The following ZBTB20 variants were observed in gnomAD, a reference collection of about 807,000 sequenced individuals.
ZBTB20 encodes zinc finger and BTB domain-containing protein 20.
Under a neutral mutation model 56.9 loss-of-function variants are expected in ZBTB20, and 9 were observed. The observed-to-expected ratio is 0.16, with a 90% confidence interval of 0.10 to 0.28. The LOEUF is 0.28. Among genes scored for constraint, ZBTB20 ranks in the 10% least tolerant of loss-of-function variants. ZBTB20 has a pLI of 1.00. For synonymous variants in ZBTB20, 417 were observed against 420.7 expected, an observed-to-expected ratio of 0.99 and a Z score of 0.11; for missense variants, 655 against 1,003.0, an observed-to-expected ratio of 0.65 and a Z score of 4.69.
intron 6 of ZBTB20, among the ~76,000 whole-genome samples, chr3:114,597,338 A>G (rs1255490588): frequency 6.6e-6 from 1 of 152,192 alleles, no homozygotes; most frequent in African/African-American, 2.4e-5. Context: ...CATGATAACA[A>G]AAGTGAGCCA....
chr3:114,375,047 C>T (rs774272497), intron 10 of ZBTB20, among the ~76,000 whole-genome samples: 3 of 152,168 alleles, frequency 2.0e-5, no homozygotes, highest in Non-Finnish European at 4.4e-5. Context: ...CAAATCAGAG[C>T]CCTGTAAAAC....
intron 6 of ZBTB20, among the ~76,000 whole-genome samples, chr3:114,611,553 A>C (rs1198690390): frequency 6.6e-6 from 1 of 152,196 alleles, no homozygotes; most frequent in Non-Finnish European, 1.5e-5. Flanking sequence ...GGACTTTGCT[A>C]ACATGAAATC....
chr3:114,653,034 T>C (rs1444992809), intron 6 of ZBTB20, among the ~76,000 whole-genome samples: 1 of 151,964 alleles, frequency 6.6e-6, no homozygotes, highest in Admixed American at 6.6e-5. Flanking sequence ...AGTTGTTTTG[T>C]ATATCCCCTA....
rs537662073 is a variant in ZBTB20 at position 114,607,609 on chromosome 3, T to A, written c.-295+85919A>T. Among the ~76,000 whole-genome samples, 9 of 152,256 alleles carry A rather than the reference T, an allele frequency of 5.9e-5. No homozygotes were observed. In the South Asian group the frequency reaches 6.2e-4, roughly 11 times the overall value. On this transcript the variant is annotated intron_variant, in intron 6 of 11. Coordinates refer to ENST00000675478, the MANE Select transcript of ZBTB20 (RefSeq NM_001348800.3). ...TGAGCCATCACGCCCAGCCTCATTC[T>A]CTTACTCTTTTAATAAATCAGTATG...
intron 2 of ZBTB20, among the ~76,000 whole-genome samples, chr3:114,996,097 C>A (rs2079014803): frequency 6.6e-6 from 1 of 151,834 alleles, no homozygotes; most frequent in Admixed American, 6.6e-5. Context: ...TCCCACCTTA[C>A]TCTGAACTGG....
At chr3:114,687,609 T>TAAAAAAAA (rs201910158) in intron 6 of ZBTB20, 9 of 105,416 alleles carry the variant, frequency 8.5e-5, no homozygotes, top group African/African-American at 1.0e-4. Flanking sequence ...AGTTGAAAGG[T>TAAAAAAAA]AAAAAAAAAA....
intron 7 of ZBTB20, among the ~76,000 whole-genome samples, chr3:114,425,951 G>T (rs1230326481): frequency 1.3e-5 from 2 of 152,032 alleles, no homozygotes; most frequent in Non-Finnish European, 2.9e-5. Flanking sequence ...ATCAAATTTA[G>T]AAATTTTCTT....
At chr3:114,810,641 A>C (rs2072451904) in intron 4 of ZBTB20, among the ~76,000 whole-genome samples, 1 of 152,212 alleles carries the variant, frequency 6.6e-6, no homozygotes, top group South Asian at 2.1e-4. Context: ...TTTCACTCCC[A>C]AAAGTATCCA....
chr3:114,442,372 G>C lies in ZBTB20; in HGVS notation c.-254-53267C>G, dbSNP rs568729812. 5.3e-5 allele frequency among the ~76,000 whole-genome samples: 8 copies of C among 152,274 alleles called. No individual in the cohort carries two copies. The East Asian group carries it at 1.5e-3, about 29-fold the overall frequency. On this transcript the variant is annotated intron_variant, in intron 7 of 11. Transcript: ENST00000675478. ...ATCAAGATAGGAAAACTTTGCAGAT[G>C]CTACTGTCTCTCTAGAGGAATAAAT...
chr3:114,472,484 C>A (rs2040244123), intron 7 of ZBTB20, among the ~76,000 whole-genome samples: 1 of 152,152 alleles, frequency 6.6e-6, no homozygotes, highest in Non-Finnish European at 1.5e-5. Flanking sequence ...CCAAGGCGGG[C>A]ACATCACCTG....
intron 4 of ZBTB20, among the ~76,000 whole-genome samples, chr3:114,876,753 C>T (rs79536944): frequency 0.029 from 4,393 of 152,224 alleles, 149 homozygotes; most frequent in African/African-American, 0.074. Flanking sequence ...TTTCTCCACC[C>T]TACCATAGCC....
chr3:114,925,356 T>C (rs1481363981), intron 3 of ZBTB20, among the ~76,000 whole-genome samples: 2 of 152,160 alleles, frequency 1.3e-5, no homozygotes, highest in Admixed American at 1.3e-4. Context: ...CCATATTCCC[T>C]TTCATCTCTT....
chr3:114,952,082 A>T (rs1252847534), intron 3 of ZBTB20, among the ~76,000 whole-genome samples: 2 of 152,130 alleles, frequency 1.3e-5, no homozygotes, highest in Admixed American at 1.3e-4. Context: ...AATAACAAGA[A>T]GTCTAGCATT....
chr3:114,834,707 T>A (rs370819295), intron 4 of ZBTB20, among the ~76,000 whole-genome samples: 4 of 152,160 alleles, frequency 2.6e-5, no homozygotes, highest in African/African-American at 9.6e-5. Flanking sequence ...GCAAACTGTC[T>A]GGATGCCTGG....
At chr3:115,060,284 AAT>A (rs2081968653) in intron 2 of ZBTB20, among the ~76,000 whole-genome samples, 1 of 152,206 alleles carries the variant, frequency 6.6e-6, no homozygotes, top group African/African-American at 2.4e-5. Flanking sequence ...TAGAAATAAT[AAT>A]ATAGTCTACC....
At chr3:115,022,591 C>T (rs2080250326) in intron 2 of ZBTB20, among the ~76,000 whole-genome samples, 2 of 150,950 alleles carry the variant, frequency 1.3e-5, no homozygotes, top group African/African-American at 4.8e-5. Context: ...TTATAGAAAT[C>T]CCTTATCTTC....
At chr3:114,349,553 C>T (rs2080472376) in intron 11 of ZBTB20, among the ~76,000 whole-genome samples, 1 of 152,160 alleles carries the variant, frequency 6.6e-6, no homozygotes, top group Non-Finnish European at 1.5e-5. Context: ...CATTTAAAGG[C>T]AGTCTATCTG....
chr3:115,034,490 A>C (rs1190534337), intron 2 of ZBTB20, among the ~76,000 whole-genome samples: 1 of 151,934 alleles, frequency 6.6e-6, no homozygotes, highest in South Asian at 2.1e-4. Context: ...TTCCATATAC[A>C]GTAGTATCAC....
At chr3:115,055,911 G>T (rs892183056) in intron 2 of ZBTB20, among the ~76,000 whole-genome samples, 49 of 152,026 alleles carry the variant, frequency 3.2e-4, no homozygotes, top group African/African-American at 1.2e-3. Flanking sequence ...TAGCTTTGGG[G>T]TAGAAAAATG....
Sources: allele counts gnomAD v4.1 joint callset (sites outside exome capture counted in the v4.1 genomes callset), GRCh38; gene constraint gnomAD v4.1.1; transcripts MANE v1.5; gene names NCBI Gene and HGNC (gene_info 2026-07-23, HGNC 2026-07-21).